ATL3: variants seen among roughly 807,000 people sequenced by gnomAD.
The protein encoded by ATL3 is atlastin GTPase 3.
A neutral mutation model predicts 69.5 loss-of-function variants in ATL3; 49 were observed. The ratio of observed to expected loss-of-function variants is 0.71; its 90% confidence interval spans 0.56 to 0.89. ATL3 has a LOEUF of 0.89. Ranked by LOEUF, ATL3 falls within the 40% of genes least tolerant of loss-of-function variation. The pLI, the probability that ATL3 is intolerant of heterozygous loss-of-function variation, is 0.00. For synonymous variants in ATL3, 214 were observed against 224.1 expected (o/e 0.95, Z 0.40); for missense variants, 606 against 645.7 (o/e 0.94, Z 0.67).
At chr11:63,632,466 TAA>T (rs1939352633) in intron 11 of ATL3, 1 of 843,122 alleles carries the variant, frequency 1.2e-6, no homozygotes, top group Admixed American at 1.7e-5. Context: ...CAAATATTTG[TAA>T]AAGAGTAACT....
intron 11 of ATL3, 108 bp downstream of exon 11, chr11:63,632,918 T>C: frequency 3.0e-6 from 3 of 997,756 alleles, no homozygotes. Flanking sequence ...TATAAGTTTA[T>C]TGCCTCATCA....
At chr11:63,635,660 G>C in intron 9 of ATL3, 70 bp from the exon 10 acceptor site, 2 of 1,249,778 alleles carry the variant, frequency 1.6e-6, no homozygotes, top group Non-Finnish European at 2.3e-6. Flanking sequence ...TTAATTTTTA[G>C]AAAGTGACCA....
At chr11:63,656,980 G>A (rs1188928949) in intron 3 of ATL3, among the ~76,000 whole-genome samples, 2 of 151,990 alleles carry the variant, frequency 1.3e-5, no homozygotes, top group Non-Finnish European at 2.9e-5. Flanking sequence ...GGGAGGCTGA[G>A]ACAGGCGGAT....
At chr11:63,665,469 G>T (rs1477615408) in intron 1 of ATL3, among the ~76,000 whole-genome samples, 1 of 152,044 alleles carries the variant, frequency 6.6e-6, no homozygotes, top group Non-Finnish European at 1.5e-5. Flanking sequence ...TCCTCTCCCT[G>T]TAGCACGGTA....
chr11:63,645,024 T>C (rs971666176), intron 6 of ATL3, among the ~76,000 whole-genome samples: 5 of 152,002 alleles, frequency 3.3e-5, no homozygotes, highest in Non-Finnish European at 5.9e-5. Context: ...GAGGTTGCAG[T>C]GAGGCGAGAT....
At chr11:63,669,266 G>A (rs1024720871) in intron 1 of ATL3, among the ~76,000 whole-genome samples, 27 of 152,246 alleles carry the variant, frequency 1.8e-4, no homozygotes, top group African/African-American at 6.5e-4. Context: ...CAGGCGCCGT[G>A]GCTCACACCT....
intron 6 of ATL3, among the ~76,000 whole-genome samples, chr11:63,644,632 C>G (rs1410778801): frequency 6.6e-6 from 1 of 152,078 alleles, no homozygotes; most frequent in Non-Finnish European, 1.5e-5. Flanking sequence ...CTCAAGCAAT[C>G]CTGTGGCCTT....
Position 63,652,495 on chromosome 11 carries a change from T to C in ATL3, c.486A>G (p.Leu162=). 1.2e-6 allele frequency: 2 copies of C among 1,607,920 alleles called. No homozygotes were observed. The highest frequency in any genetic ancestry group is 1.7e-6 in the Non-Finnish European group (2 of 1,176,152). ...CCTGAACAGAACTAGTCATAGTGCT[T>C]AGAGCAAAGATGGTAGCACAGTCTT... is the stretch of plus-strand genomic sequence containing the variant. ...TVKDCATIFA[L]STMTSSVQIY... Residue 162 remains leucine (L), a synonymous_variant, in exon 4 of 13, where the codon CTA becomes CTG. Coordinates refer to ENST00000398868, the MANE Select transcript of ATL3 (RefSeq NM_015459.5).
At chr11:63,636,447 G>GT in intron 8 of ATL3, 113 bp from the exon 9 acceptor site, 1 of 1,447,456 alleles carries the variant, frequency 6.9e-7, no homozygotes. Context: ...GTTGTTAAAA[G>GT]TGAGAGAGAA....
chr11:63,656,986 C>G (rs768274576), intron 3 of ATL3, among the ~76,000 whole-genome samples: 1 of 151,644 alleles, frequency 6.6e-6, no homozygotes, highest in African/African-American at 2.4e-5. Flanking sequence ...CTGAGACAGG[C>G]GGATCACGAG....
Position 63,631,271 on chromosome 11 carries a change from G to A in ATL3, c.1308C>T (p.Asn436=), listed in dbSNP as rs778748189. ...CAGGGGTTCGGAAGGTGCTGAAGACGTTCTTGCTACCATTGTGCTTGCAGA... is the reference window on the plus strand; with the variant it reads ...CAGGGGTTCGGAAGGTGCTGAAGACATTCTTGCTACCATTGTGCTTGCAGA... ...ENFCKHNGSK[N]VFSTFRTPAV... Residue 436 remains asparagine, a synonymous_variant, in exon 12 of 13, where the codon AAC becomes AAT. Coordinates refer to ENST00000398868, the MANE Select transcript of ATL3 (RefSeq NM_015459.5). 35 of 1,614,088 alleles carry A rather than the reference G, an allele frequency of 2.2e-5. No individual in the cohort carries two copies. The highest frequency in any genetic ancestry group is 6.7e-5 in the East Asian group (3 of 44,896).
At chr11:63,636,485 T>C (rs1321572357) in intron 8 of ATL3, 151 bp from the exon 9 acceptor site, 3 of 1,059,756 alleles carry the variant, frequency 2.8e-6, no homozygotes, top group African/African-American at 3.2e-5. Flanking sequence ...ACGCCTATAA[T>C]CCTAGCACTT....
At chr11:63,654,193 C>T (rs1940167950) in intron 3 of ATL3, among the ~76,000 whole-genome samples, 1 of 149,486 alleles carries the variant, frequency 6.7e-6, no homozygotes, top group South Asian at 2.1e-4. Context: ...TGTGGCCAGG[C>T]TGGAGTGCAG....
In ATL3 at chr11:63,671,363, G is replaced by C; in HGVS notation, c.-28C>G. On this transcript the variant is annotated 5_prime_UTR_variant, in exon 1 of 13. Coordinates refer to ENST00000398868, the MANE Select transcript of ATL3 (RefSeq NM_015459.5). ...AGCCTCCGCCTTCAAAGCAGAAGCA[G>C]CAGGGGTGCAGAGGAGAGGGACGGG... 1 of 1,571,400 alleles carries C rather than the reference G, an allele frequency of 6.4e-7. No homozygotes were observed. The highest frequency in any genetic ancestry group is 8.6e-7 in the Non-Finnish European group (1 of 1,161,504).
rs1326950681 is a variant in ATL3 at position 63,631,089 on chromosome 11, C to A, written c.1490G>T (p.Arg497Leu). 16 of 1,614,066 alleles carry A rather than the reference C, an allele frequency of 9.9e-6. No homozygotes were observed. Among genetic ancestry groups the A allele is most frequent in the Non-Finnish European group, 1.3e-5 (15 of 1,179,986 alleles). ...AAAATCAATAGCTCCGCCCAGCTCA[C>A]GATATTGACCAGAATACCTGATGTA... ...WGYIRYSGQY[R>L]ELGGAIDFGA... The change falls in exon 12 of 13, where the codon CGT becomes CTT. Residue 497 changes from arginine (R) to leucine (L), a missense_variant. Coordinates refer to ENST00000398868, the MANE Select transcript of ATL3 (RefSeq NM_015459.5).
chr11:63,633,180 T>C (rs1192162649), intron 10 of ATL3, 83 bp from the exon 11 acceptor site: 3 of 1,053,464 alleles, frequency 2.8e-6, no homozygotes, highest in South Asian at 2.7e-5. Flanking sequence ...ATCTTCTCTA[T>C]TCCCCATTCT....
At position 63,629,099 on chromosome 11, in the gene ATL3, A is replaced by AT; in HGVS notation, c.*219dup. The AT allele has an allele frequency of 1.8e-6, 1 of 546,484 alleles. No homozygotes were observed. The highest frequency in any genetic ancestry group is 3.3e-6 in the Non-Finnish European group (1 of 305,102). 33.9% of individuals were successfully genotyped at this position (546,484 alleles called of 1,614,324 possible). Reference sequence around the variant, plus strand: ...TGAAAATAGACACAGGCTTGCATCTATAACAGCAAGGAAAAGAAATGCTTC... The same window carrying AT: ...TGAAAATAGACACAGGCTTGCATCTATTAACAGCAAGGAAAAGAAATGCTTC... On this transcript the variant is annotated 3_prime_UTR_variant, in exon 13 of 13. Transcript: ENST00000398868.
intron 8 of ATL3, among the ~76,000 whole-genome samples, chr11:63,642,241 TCTC>T (rs1939722942): frequency 6.6e-6 from 1 of 152,134 alleles, no homozygotes. Context: ...GCCAGGGAAG[TCTC>T]CTCCTCAGGA....
intron 10 of ATL3, 62 bp from the exon 11 acceptor site, chr11:63,633,159 A>C: frequency 7.3e-7 from 1 of 1,373,130 alleles, no homozygotes; most frequent in Non-Finnish European, 1.0e-6. Context: ...TCCACAAATA[A>C]CCTAACAAAA....
Sources: gnomAD v4.1 joint callset for allele counts (sites outside exome capture counted in the v4.1 genomes callset) on GRCh38, gnomAD v4.1.1 for gene constraint, MANE v1.5 for transcripts, NCBI Gene and HGNC (gene_info 2026-07-23, HGNC 2026-07-21) for gene names.